ZNF33A: variants seen among roughly 807,000 people sequenced by gnomAD.
ZNF33A encodes brain my041 protein.
In ZNF33A, 9 loss-of-function variants were observed where a neutral mutation model predicts 15.9. The ratio of observed to expected loss-of-function variants is 0.57; its 90% CI spans 0.34 to 0.99. The LOEUF is 0.99. ZNF33A is among the 50% of genes least tolerant of loss of function. The pLI is 0.02. For synonymous variants in ZNF33A, 294 were observed against 324.2 expected (o/e 0.91, Z 1.00); for missense variants, 843 against 941.6 (o/e 0.90, Z 1.37).
At position 38,042,833 on chromosome 10, in the gene ZNF33A, A is replaced by G. The variant is rs145250731; in HGVS notation, c.251-11542A>G. Among the ~76,000 whole-genome samples the G allele has an allele frequency of 6.5e-3, 991 of 152,340 alleles. 11 individuals carry two copies. The highest frequency in any genetic ancestry group is 0.054 in the South Asian group (263 of 4,832). On this transcript the variant is annotated intron_variant, in intron 4 of 4. Coordinates refer to ENST00000432900, the MANE Select transcript of ZNF33A (RefSeq NM_006954.2). ...CTCCCAAAGTGTTGGGATTACTGGC[A>G]TGAGCCACTGTGCCTGGCCTGTCTT...
chr10:38,039,552 A>G (rs1052689435), intron 4 of ZNF33A: 2 of 455,240 alleles, frequency 4.4e-6, no homozygotes, highest in African/African-American at 2.0e-5. Context: ...TAAATTTACA[A>G]CTTCAATCTT....
At chr10:38,016,260 C>G (rs1651170348) in intron 2 of ZNF33A, among the ~76,000 whole-genome samples, 1 of 152,062 alleles carries the variant, frequency 6.6e-6, no homozygotes. Context: ...ATCTGTAGTT[C>G]TCAGTAATAT....
chr10:38,057,081 TAGTC>T lies in ZNF33A; in HGVS notation c.*524_*527del. The T allele has an allele frequency of 1.5e-6, 1 of 655,056 alleles. No homozygotes were observed. Among genetic ancestry groups the T allele is most frequent in the Non-Finnish European group, 1.9e-6 (1 of 527,500 alleles). 40.6% of individuals were successfully genotyped at this position (655,056 alleles called of 1,614,324 possible). A position where few individuals can be genotyped will look rare whatever the true frequency, so the allele number is the denominator to read the frequency against. ...GTTACCTTGCTGGTAGATAGAGACT[TAGTC>T]AGATTTTACTATGGTTTGCATGCAC... On this transcript the variant is annotated 3_prime_UTR_variant, in exon 5 of 5. Transcript: ENST00000432900.
chr10:38,041,373 T>A (rs1406047217), intron 4 of ZNF33A, among the ~76,000 whole-genome samples: 7 of 152,002 alleles, frequency 4.6e-5, no homozygotes, highest in African/African-American at 1.7e-4. Flanking sequence ...AAAATTATGA[T>A]GTCTCTTTGA....
chr10:38,037,362 C>T (rs112822980), intron 4 of ZNF33A, among the ~76,000 whole-genome samples: 8,561 of 150,088 alleles, frequency 0.057, 374 homozygotes, highest in Non-Finnish European at 0.077. Context: ...AAGTCTCTGA[C>T]GCCCAGCCTG....
chr10:38,066,499 G>A (rs1469521997), downstream of ZNF33A, among the ~76,000 whole-genome samples: 15 of 151,698 alleles, frequency 9.9e-5, no homozygotes, highest in South Asian at 2.1e-4. Context: ...TGATCCACCC[G>A]CCTTGGCCTC....
chr10:38,019,277 T>C (rs1329198929), intron 4 of ZNF33A, among the ~76,000 whole-genome samples: 1 of 151,452 alleles, frequency 6.6e-6, no homozygotes, highest in Non-Finnish European at 1.5e-5. Context: ...AGAATGATGG[T>C]TTCCAGTTTC....
chr10:38,010,733 C>G lies in ZNF33A; in HGVS notation c.-95C>G. The G allele has an allele frequency of 1.3e-6, 2 of 1,598,394 alleles. No individual in the cohort carries two copies. Among genetic ancestry groups the G allele is most frequent in the South Asian group, 1.1e-5 (1 of 91,086 alleles). ...TGCGTGGGAGGCGGTCCCGGGATTT[C>G]AAGGGTCTACGCGCTTTTCTATGGC... On this transcript the variant is annotated 5_prime_UTR_variant, in exon 1 of 5. Transcript: ENST00000432900.
At chr10:38,031,072 T>C (rs998403960) in intron 4 of ZNF33A, among the ~76,000 whole-genome samples, 3 of 152,188 alleles carry the variant, frequency 2.0e-5, no homozygotes, top group African/African-American at 7.2e-5. Flanking sequence ...CAAAAATCTA[T>C]ACCTGTGGCA....
chr10:38,049,639 G>A (rs2505234), intron 4 of ZNF33A, among the ~76,000 whole-genome samples: 1 of 152,160 alleles, frequency 6.6e-6, no homozygotes, highest in South Asian at 2.1e-4. Flanking sequence ...AGTTTAACTT[G>A]TGTTGGATAA....
chr10:38,012,498 C>A (rs1430596151), intron 2 of ZNF33A, 148 bp downstream of exon 2: 1 of 943,902 alleles, frequency 1.1e-6, no homozygotes, highest in Non-Finnish European at 1.5e-6. Context: ...ATGTCCCCAT[C>A]TCGGTTCACT....
intron 4 of ZNF33A, among the ~76,000 whole-genome samples, chr10:38,019,052 G>A (rs1486822361): frequency 2.6e-5 from 4 of 151,476 alleles, no homozygotes; most frequent in Admixed American, 1.3e-4. Context: ...TGTTACATAT[G>A]TATACATGTG....
chr10:38,067,505 G>A (rs999361443), downstream of ZNF33A, among the ~76,000 whole-genome samples: 2 of 152,200 alleles, frequency 1.3e-5, no homozygotes, highest in Non-Finnish European at 2.9e-5. Flanking sequence ...CTGGTTTAGA[G>A]AAATGGGTCA....
chr10:38,060,157 T>C (rs2066638066), downstream of ZNF33A: 1 of 863,158 alleles, frequency 1.2e-6, no homozygotes, highest in East Asian at 1.2e-4. Context: ...GAATTGCTTT[T>C]GTACATCCTT....
chr10:38,028,654 G>A (rs1459719131), intron 4 of ZNF33A, among the ~76,000 whole-genome samples: 1 of 152,064 alleles, frequency 6.6e-6, no homozygotes, highest in East Asian at 1.9e-4. Flanking sequence ...CTTTAGTAGA[G>A]ATGGAGTTTT....
chr10:38,035,111 CTTTTTT>C (rs71007683), intron 4 of ZNF33A, among the ~76,000 whole-genome samples: 17 of 85,784 alleles, frequency 2.0e-4, no homozygotes, highest in African/African-American at 3.5e-4. Context: ...CATTTACTTT[CTTTTTT>C]TTTTTTTTTT....
chr10:38,016,733 G>A, intron 2 of ZNF33A, 138 bp from the exon 3 acceptor site: 3 of 954,370 alleles, frequency 3.1e-6, no homozygotes, highest in South Asian at 3.8e-5. Flanking sequence ...ATATCTTAAT[G>A]CATTAATGGC....
chr10:38,022,256 A>C (rs1410296252), intron 4 of ZNF33A, among the ~76,000 whole-genome samples: 2 of 152,190 alleles, frequency 1.3e-5, no homozygotes, highest in Non-Finnish European at 2.9e-5. Flanking sequence ...TAAAATATAG[A>C]ATGAGATGAC....
At position 38,054,944 on chromosome 10, in the gene ZNF33A, C is replaced by T. The variant is rs1260367853; in HGVS notation, c.820C>T (p.His274Tyr). 7 of 1,613,918 alleles carry T rather than the reference C, an allele frequency of 4.3e-6. No homozygotes were observed. Among genetic ancestry groups the T allele is most frequent in the Admixed American group, 3.3e-5 (2 of 59,982 alleles). The change falls in exon 5 of 5, where the codon CAC becomes TAC. Residue 274 changes from histidine to tyrosine, a missense_variant. Coordinates refer to ENST00000432900, the MANE Select transcript of ZNF33A (RefSeq NM_006954.2). ...TCAGATATCTCCGTCAAGGGACAATCACTATGAATTTAGTGATTGTGAGAA... is the reference window on the plus strand; with the variant it reads ...TCAGATATCTCCGTCAAGGGACAATTACTATGAATTTAGTGATTGTGAGAA... ...FHQISPSRDN[H>Y]YEFSDCEKFL...
Sources: allele counts gnomAD v4.1 joint callset (sites outside exome capture counted in the v4.1 genomes callset), GRCh38; gene constraint gnomAD v4.1.1; transcripts MANE v1.5; gene names NCBI Gene and HGNC (gene_info 2026-07-23, HGNC 2026-07-21).